SUMF1: variants seen among roughly 807,000 people sequenced by gnomAD.
SUMF1 encodes the protein formylglycine-generating enzyme.
A neutral mutation model predicts 47.6 loss-of-function variants in SUMF1; 48 were observed. The observed-to-expected ratio is 1.01, with a 90% CI of 0.80 to 1.28. The LOEUF (loss-of-function observed/expected upper bound fraction) is 1.28. SUMF1 is among the 50% of genes most tolerant of loss of function. The pLI is 0.00. For missense variants in SUMF1, 571 were observed against 485.4 expected (o/e 1.18, Z -1.66); for synonymous variants, 230 against 192.1 (o/e 1.20, Z -1.63).
chr3:4,284,486 G>T (rs1393601635), intron 8 of SUMF1, among the ~76,000 whole-genome samples: 1 of 149,372 alleles, frequency 6.7e-6, no homozygotes, highest in East Asian at 1.9e-4. Flanking sequence ...GGAGGAGGAG[G>T]AGGAGAGAAA....
chr3:4,329,464 C>T (rs1359436277), intron 8 of SUMF1, among the ~76,000 whole-genome samples: 1 of 152,252 alleles, frequency 6.6e-6, no homozygotes, highest in African/African-American at 2.4e-5. Context: ...GCTGCCAATG[C>T]TTACGGTTTG....
chr3:4,272,642 G>A lies in SUMF1; in HGVS notation c.1014+103688C>T, dbSNP rs151026860. On this transcript the variant is annotated intron_variant and NMD_transcript_variant, in intron 8 of 12. Coordinates refer to the SUMF1 transcript ENST00000448413. The stretch of plus-strand genomic sequence containing the variant: ...TGCTACATAATTATTCTATACTGCC[G>A]TTAATAACTGTTTCTTAAAAAACAC... Among the ~76,000 whole-genome samples the A allele has an allele frequency of 4.3e-3, 656 of 152,256 alleles. 16 individuals are homozygous for A. Among genetic ancestry groups the A allele is most frequent in the Admixed American group, 0.037 (560 of 15,296 alleles).
chr3:4,288,938 T>A (rs1370822517), intron 8 of SUMF1, among the ~76,000 whole-genome samples: 1 of 152,212 alleles, frequency 6.6e-6, no homozygotes, highest in East Asian at 1.9e-4. Context: ...GTTTTATCCA[T>A]GAAAATCAAG....
At chr3:4,251,873 A>G (rs1207764761) in intron 8 of SUMF1, among the ~76,000 whole-genome samples, 1 of 152,234 alleles carries the variant, frequency 6.6e-6, no homozygotes, top group Non-Finnish European at 1.5e-5. Context: ...TTAGCAATGA[A>G]GTATTTTAGT....
chr3:4,326,119 G>A (rs947114795), intron 8 of SUMF1, among the ~76,000 whole-genome samples: 1 of 152,218 alleles, frequency 6.6e-6, no homozygotes, highest in Admixed American at 6.5e-5. Flanking sequence ...ACAGTGCCCA[G>A]CTATCTTTTG....
intron 8 of SUMF1, among the ~76,000 whole-genome samples, chr3:4,197,078 G>T (rs541440395): frequency 6.6e-6 from 1 of 152,198 alleles, no homozygotes; most frequent in East Asian, 1.9e-4. Flanking sequence ...ATTTGGAAAT[G>T]AATTCTATAA....
intron 8 of SUMF1, among the ~76,000 whole-genome samples, chr3:4,334,458 A>G (rs1699106899): frequency 6.6e-6 from 1 of 152,226 alleles, no homozygotes; most frequent in African/African-American, 2.4e-5. Context: ...CAGAGAAGGA[A>G]AATTTCACTA....
At chr3:4,343,392 A>G (rs1699311769) in intron 8 of SUMF1, among the ~76,000 whole-genome samples, 2 of 152,238 alleles carry the variant, frequency 1.3e-5, no homozygotes, top group Admixed American at 1.3e-4. Context: ...TTGTGGGCAG[A>G]GAGGGGAGTG....
chr3:4,439,473 C>A (rs1470735377), intron 3 of SUMF1, among the ~76,000 whole-genome samples: 1 of 151,956 alleles, frequency 6.6e-6, no homozygotes, highest in African/African-American at 2.4e-5. Flanking sequence ...ATGCTGTGAG[C>A]AGAGATTACA....
At position 4,407,832 on chromosome 3, in the gene SUMF1, T is replaced by C. The variant is rs551613236; in HGVS notation, c.954+3033A>G. 8.5e-5 allele frequency among the ~76,000 whole-genome samples: 13 copies of C among 152,234 alleles called. No individual in the cohort carries two copies. The East Asian group carries it at 1.7e-3, about 20-fold the overall frequency. On this transcript the variant is annotated intron_variant, in intron 7 of 8. Coordinates refer to ENST00000272902, the MANE Select transcript of SUMF1 (RefSeq NM_182760.4). ...TCAATAGACTCATGGCCTGAGGATATAAAAAATTGGAGTTTAAGGCCCTCC... is the reference window on the plus strand; with the variant it reads ...TCAATAGACTCATGGCCTGAGGATACAAAAAATTGGAGTTTAAGGCCCTCC...
chr3:4,106,728 A>G (rs561841122), intron 8 of SUMF1, among the ~76,000 whole-genome samples: 10 of 152,156 alleles, frequency 6.6e-5, no homozygotes, highest in African/African-American at 1.9e-4. Context: ...TGTCCTCCCA[A>G]TGAGGGTTTG....
intron 8 of SUMF1, among the ~76,000 whole-genome samples, chr3:4,090,461 C>G (rs896821826): frequency 6.6e-6 from 1 of 152,100 alleles, no homozygotes; most frequent in Non-Finnish European, 1.5e-5. Context: ...ACCTTGTACC[C>G]TGAGCTGCTG....
At chr3:4,288,256 G>C (rs1237621899) in intron 8 of SUMF1, among the ~76,000 whole-genome samples, 1 of 152,148 alleles carries the variant, frequency 6.6e-6, no homozygotes, top group Non-Finnish European at 1.5e-5. Flanking sequence ...GTACTGACAA[G>C]GGAAAAAACT....
At chr3:4,121,682 G>A (rs1170760016) in intron 8 of SUMF1, among the ~76,000 whole-genome samples, 1 of 152,048 alleles carries the variant, frequency 6.6e-6, no homozygotes, top group Non-Finnish European at 1.5e-5. Flanking sequence ...ATTCAAATAA[G>A]TGCCTATATA....
chr3:4,303,603 A>G (rs1331904403), intron 8 of SUMF1: 1 of 1,373,366 alleles, frequency 7.3e-7, no homozygotes, highest in Non-Finnish European at 9.4e-7. Flanking sequence ...CCTCGCTGGG[A>G]CGGCCTCCCA....
In SUMF1 at chr3:4,407,566, T is replaced by G. The variant is rs185137976; in HGVS notation, c.954+3299A>C. 1.2e-3 allele frequency among the ~76,000 whole-genome samples: 176 copies of G among 152,360 alleles called. 4 individuals are homozygous for G. In the Middle Eastern group the frequency reaches 0.024, roughly 21 times the overall value. ...AATTCCATATATCTGGAATTGGTAT[T>G]ATTGTAGGGTCAATAATTATATACA... On this transcript the variant is annotated intron_variant, in intron 7 of 8. Transcript: ENST00000272902.
At chr3:4,187,430 T>C (rs932793649) in intron 8 of SUMF1, among the ~76,000 whole-genome samples, 1 of 152,144 alleles carries the variant, frequency 6.6e-6, no homozygotes, top group African/African-American at 2.4e-5. Context: ...TGTTCAAACA[T>C]TTGATTTTTT....
chr3:4,227,847 A>G (rs1486309374), intron 8 of SUMF1, among the ~76,000 whole-genome samples: 1 of 152,138 alleles, frequency 6.6e-6, no homozygotes, highest in Non-Finnish European at 1.5e-5. Context: ...AGGAGCCAAC[A>G]CATTCCTTTT....
At chr3:4,198,580 TAGCCTTCTA>T (rs1285185728) in intron 8 of SUMF1, among the ~76,000 whole-genome samples, 1 of 152,144 alleles carries the variant, frequency 6.6e-6, no homozygotes, top group Non-Finnish European at 1.5e-5. Flanking sequence ...CCCACAACTG[TAGCCTTCTA>T]AAAGTGAAAA....
Sources: allele counts gnomAD v4.1 joint callset (sites outside exome capture counted in the v4.1 genomes callset), GRCh38; gene constraint gnomAD v4.1.1; transcripts MANE v1.5; gene names NCBI Gene and HGNC (gene_info 2026-07-23, HGNC 2026-07-21).